Variants in MSI2 observed in about 807,000 individuals in gnomAD.
The protein encoded by MSI2 is RNA-binding protein Musashi homolog 2.
In MSI2, 17 loss-of-function variants were observed where a neutral mutation model predicts 45.6. The ratio of observed to expected loss-of-function variants is 0.37; its 90% CI spans 0.26 to 0.56. The LOEUF is 0.56. Ranked by LOEUF, MSI2 falls within the 20% of genes least tolerant of loss-of-function variation. The probability of loss-of-function intolerance (pLI) is 0.77; values close to 1 mark genes in which losing one functional copy is unlikely to be tolerated. For missense variants in MSI2, 293 were observed against 444.2 expected (o/e 0.66, Z 3.06); for synonymous variants, 156 against 158.2 (o/e 0.99, Z 0.11).
chr17:57,264,834 G>A (rs995927785), intron 5 of MSI2: 1 of 152,262 alleles, frequency 6.6e-6, no homozygotes, highest in Non-Finnish European at 1.5e-5. Flanking sequence ...GATGGGCTCG[G>A]AGAGGTCAGC....
chr17:57,312,079 C>G (rs781283360), intron 5 of MSI2, among the ~76,000 whole-genome samples: 1 of 152,140 alleles, frequency 6.6e-6, no homozygotes, highest in Non-Finnish European at 1.5e-5. Context: ...GTGTTCAGGT[C>G]GGAGACAGAG....
chr17:57,476,975 AC>A (rs553857237), intron 6 of MSI2, among the ~76,000 whole-genome samples: 475 of 151,850 alleles, frequency 3.1e-3, no homozygotes, highest in African/African-American at 0.011. Flanking sequence ...CCAAGGCCTC[AC>A]CCCCGTCTGG....
chr17:57,674,283 G>A (rs1316118879), intron 11 of MSI2, among the ~76,000 whole-genome samples: 1 of 147,856 alleles, frequency 6.8e-6, no homozygotes, highest in African/African-American at 2.5e-5. Context: ...AGGGGCGGGT[G>A]GTGGGGGTGG....
In MSI2 at chr17:57,632,102, G is replaced by T; in HGVS notation, c.727+4799G>T. On this transcript the variant is annotated intron_variant, in intron 10 of 13. Coordinates refer to ENST00000284073, the MANE Select transcript of MSI2 (RefSeq NM_138962.4). ...CCCCACTTCCTCAGAATGTAACGGG[G>T]CCAGAGGGAAACTTCTCACAAACTT... 2.4e-6 allele frequency: 3 copies of T among 1,256,124 alleles called. No individual in the cohort carries two copies. The South Asian group carries it at 7.9e-5, about 33-fold the overall frequency. 77.8% of individuals were successfully genotyped at this position (1,256,124 alleles called of 1,614,324 possible).
At chr17:57,601,528 G>A (rs1905868344) in intron 8 of MSI2, 1 of 152,304 alleles carries the variant, frequency 6.6e-6, no homozygotes, top group Non-Finnish European at 1.5e-5. Flanking sequence ...TGCTTGATGA[G>A]TCACCACAGC....
At chr17:57,629,951 C>T (rs919470857) in intron 10 of MSI2, 2 of 152,398 alleles carry the variant, frequency 1.3e-5, no homozygotes, top group African/African-American at 4.8e-5. Context: ...TGGGAGAGGA[C>T]ATCAATGTGG....
At chr17:57,378,412 C>T (rs1423835131) in intron 5 of MSI2, among the ~76,000 whole-genome samples, 9 of 151,954 alleles carry the variant, frequency 5.9e-5, no homozygotes, top group Admixed American at 4.6e-4. Context: ...TACAGGCGAA[C>T]GCCACCACAC....
chr17:57,476,099 A>G (rs2085531805), intron 6 of MSI2, among the ~76,000 whole-genome samples: 1 of 152,204 alleles, frequency 6.6e-6, no homozygotes, highest in Admixed American at 6.5e-5. Flanking sequence ...TTGGCACAAA[A>G]GGGCAGTTTA....
intron 9 of MSI2, among the ~76,000 whole-genome samples, chr17:57,623,792 A>G (rs577535862): frequency 7.2e-5 from 11 of 152,304 alleles, no homozygotes; most frequent in Middle Eastern, 3.4e-3. Flanking sequence ...CAGCCAGCCA[A>G]TTTCCCCCGT....
At chr17:57,368,958 A>C (rs1297653732) in intron 5 of MSI2, among the ~76,000 whole-genome samples, 1 of 152,206 alleles carries the variant, frequency 6.6e-6, no homozygotes, top group Non-Finnish European at 1.5e-5. Flanking sequence ...TTTCCTCCCC[A>C]GTCTGTGGGG....
intron 7 of MSI2, among the ~76,000 whole-genome samples, chr17:57,585,551 T>C (rs867295067): frequency 3.9e-5 from 6 of 152,308 alleles, no homozygotes; most frequent in Middle Eastern, 3.4e-3. Flanking sequence ...CTAAGCCCTT[T>C]TCCACCCACC....
chr17:57,386,339 C>T (rs899782960), intron 5 of MSI2, among the ~76,000 whole-genome samples: 6 of 152,142 alleles, frequency 3.9e-5, no homozygotes, highest in African/African-American at 1.2e-4. Context: ...CTTCTTAGTG[C>T]TTGTGCCCAG....
chr17:57,309,958 A>G (rs555976909), intron 5 of MSI2, among the ~76,000 whole-genome samples: 1 of 152,302 alleles, frequency 6.6e-6, no homozygotes, highest in Non-Finnish European at 1.5e-5. Flanking sequence ...CTCCTGGCAG[A>G]CGGTGATGAT....
intron 5 of MSI2, among the ~76,000 whole-genome samples, chr17:57,271,522 C>T (rs954012162): frequency 6.6e-6 from 1 of 152,054 alleles, no homozygotes; most frequent in Non-Finnish European, 1.5e-5. Context: ...ATGATGCATT[C>T]TGGGGAGAGA....
At chr17:57,274,717 TG>T (rs1323660482) in intron 5 of MSI2, among the ~76,000 whole-genome samples, 1 of 152,240 alleles carries the variant, frequency 6.6e-6, no homozygotes, top group African/African-American at 2.4e-5. Context: ...CGGGTAGAAT[TG>T]CAGTGTAATT....
At chr17:57,432,554 C>T (rs1235627979) in intron 6 of MSI2, 1 of 152,510 alleles carries the variant, frequency 6.6e-6, no homozygotes, top group African/African-American at 2.4e-5. Flanking sequence ...TGTTTATGCT[C>T]ATGGCCTCGG....
intron 7 of MSI2, among the ~76,000 whole-genome samples, chr17:57,560,725 A>C (rs2087553502): frequency 6.6e-6 from 1 of 152,240 alleles, no homozygotes; most frequent in Non-Finnish European, 1.5e-5. Flanking sequence ...ATTATTAACA[A>C]TTACTGCCGG....
chr17:57,615,881 A>G, intron 8 of MSI2, 89 bp from the exon 9 acceptor site: 1 of 1,015,814 alleles, frequency 9.8e-7, no homozygotes, highest in Non-Finnish European at 1.5e-6. Flanking sequence ...AAGGCTAAAA[A>G]TAACTTAGCT....
intron 9 of MSI2, among the ~76,000 whole-genome samples, chr17:57,618,716 G>C (rs1907980243): frequency 6.6e-6 from 1 of 151,864 alleles, no homozygotes; most frequent in African/African-American, 2.4e-5. Flanking sequence ...GCTAATTTTT[G>C]TATTTTTAGT....
Sources: gnomAD v4.1 joint callset for allele counts (sites outside exome capture counted in the v4.1 genomes callset) on GRCh38, gnomAD v4.1.1 for gene constraint, MANE v1.5 for transcripts, NCBI Gene and HGNC (gene_info 2026-07-23, HGNC 2026-07-21) for gene names.